ZBTB20: variants seen among roughly 807,000 people sequenced by gnomAD.
The protein encoded by ZBTB20 is zinc finger and BTB domain-containing protein 20.
In ZBTB20, 9 loss-of-function variants were observed where a neutral mutation model predicts 56.9. That is an observed-to-expected ratio of 0.16 (90% CI 0.10 to 0.28). The LOEUF is 0.28. ZBTB20 is among the 10% of genes least tolerant of loss of function. The pLI is 1.00. For missense variants in ZBTB20, 655 were observed against 1,003.0 expected (o/e 0.65, Z 4.69); for synonymous variants, 417 against 420.7 (o/e 0.99, Z 0.11).
At chr3:114,347,076 GGTTTTTT>G (rs1213444257) in intron 11 of ZBTB20, among the ~76,000 whole-genome samples, 13 of 82,424 alleles carry the variant, frequency 1.6e-4, no homozygotes, top group Admixed American at 7.4e-4. Flanking sequence ...ATTCTCTTCA[GGTTTTTT>G]TTTTTTTTTT....
chr3:114,964,378 G>C (rs894877628), intron 3 of ZBTB20, among the ~76,000 whole-genome samples: 5 of 152,168 alleles, frequency 3.3e-5, no homozygotes, highest in Non-Finnish European at 7.3e-5. Context: ...TTGGGCCACT[G>C]CACTCCAGCC....
At chr3:115,115,149 A>G (rs938027597) in intron 1 of ZBTB20, among the ~76,000 whole-genome samples, 19 of 152,126 alleles carry the variant, frequency 1.2e-4, no homozygotes, top group African/African-American at 3.9e-4. Context: ...GACCACATCA[A>G]TGATGTCCTA....
intron 4 of ZBTB20, among the ~76,000 whole-genome samples, chr3:114,886,408 C>G (rs902306413): frequency 2.0e-5 from 3 of 152,172 alleles, no homozygotes. Context: ...GGATTGTGAT[C>G]TCAACATGCA....
intron 7 of ZBTB20, chr3:114,454,532 C>T (rs1409632190): frequency 6.6e-6 from 1 of 151,702 alleles, no homozygotes; most frequent in East Asian, 1.9e-4. Flanking sequence ...AAAGGCTTTT[C>T]CATCTCGGTT....
chr3:114,624,674 T>G (rs1386402852), intron 6 of ZBTB20, among the ~76,000 whole-genome samples: 1 of 152,144 alleles, frequency 6.6e-6, no homozygotes, highest in Non-Finnish European at 1.5e-5. Flanking sequence ...AGATCACTGC[T>G]GTACCATCCA....
intron 5 of ZBTB20, among the ~76,000 whole-genome samples, chr3:114,737,098 C>T (rs1417422521): frequency 6.6e-6 from 1 of 151,988 alleles, no homozygotes; most frequent in Non-Finnish European, 1.5e-5. Flanking sequence ...TTTTAAGAGC[C>T]AAAGTTACAA....
At chr3:115,129,511 C>T (rs918852768) in intron 1 of ZBTB20, among the ~76,000 whole-genome samples, 1 of 152,172 alleles carries the variant, frequency 6.6e-6, no homozygotes, top group Non-Finnish European at 1.5e-5. Context: ...TGGCCAATGG[C>T]AAATTAGGTG....
At chr3:114,550,913 T>C (rs936714351) in intron 6 of ZBTB20, among the ~76,000 whole-genome samples, 3 of 151,790 alleles carry the variant, frequency 2.0e-5, no homozygotes, top group African/African-American at 7.3e-5. Context: ...ACCATGTCCA[T>C]CTAATTTTTG....
At chr3:114,943,850 A>T (rs1418796099) in intron 3 of ZBTB20, among the ~76,000 whole-genome samples, 1 of 143,626 alleles carries the variant, frequency 7.0e-6, no homozygotes, top group Non-Finnish European at 1.5e-5. Flanking sequence ...AAAAGCATCA[A>T]GCCACAAATT....
intron 4 of ZBTB20, among the ~76,000 whole-genome samples, chr3:114,872,270 T>C (rs1272858716): frequency 1.3e-5 from 2 of 152,248 alleles, no homozygotes; most frequent in Admixed American, 6.5e-5. Flanking sequence ...CCACAACCCT[T>C]GTACTCAAGA....
chr3:114,389,766 G>A (rs2085617780), intron 7 of ZBTB20, among the ~76,000 whole-genome samples: 2 of 151,664 alleles, frequency 1.3e-5, no homozygotes, highest in South Asian at 2.1e-4. Flanking sequence ...GCGCACGCCT[G>A]TAGTCCCAGC....
chr3:114,480,902 C>G (rs977276089), intron 7 of ZBTB20, among the ~76,000 whole-genome samples: 2 of 151,218 alleles, frequency 1.3e-5, no homozygotes, highest in African/African-American at 4.9e-5. Context: ...ATGGAAAGAA[C>G]AACAATTAGT....
At chr3:115,016,425 C>G (rs367818833) in intron 2 of ZBTB20, among the ~76,000 whole-genome samples, 3 of 151,928 alleles carry the variant, frequency 2.0e-5, no homozygotes, top group East Asian at 1.9e-4. Flanking sequence ...AGATTTTCTT[C>G]TAGGGTTTTT....
chr3:115,124,430 A>T (rs1176353351), intron 1 of ZBTB20, among the ~76,000 whole-genome samples: 3 of 152,212 alleles, frequency 2.0e-5, no homozygotes, highest in Non-Finnish European at 4.4e-5. Flanking sequence ...AAGACATTTT[A>T]AAAAATACAT....
intron 7 of ZBTB20, among the ~76,000 whole-genome samples, chr3:114,427,744 A>G (rs887053240): frequency 3.5e-4 from 54 of 152,228 alleles, no homozygotes; most frequent in African/African-American, 1.3e-3. Flanking sequence ...TTGGGTGTTA[A>G]TCAAAATGTA....
intron 2 of ZBTB20, among the ~76,000 whole-genome samples, chr3:114,979,621 A>G (rs1440568190): frequency 6.6e-6 from 1 of 152,094 alleles, no homozygotes; most frequent in African/African-American, 2.4e-5. Context: ...TTCATTAAAT[A>G]AAAATTTAAA....
intron 2 of ZBTB20, among the ~76,000 whole-genome samples, chr3:115,022,048 G>A (rs562727305): frequency 6.6e-6 from 1 of 150,620 alleles, no homozygotes; most frequent in African/African-American, 2.4e-5. Flanking sequence ...AAAAAGTTGA[G>A]ACATTTGTTC....
intron 10 of ZBTB20, among the ~76,000 whole-genome samples, chr3:114,368,086 C>G (rs2082612450): frequency 6.6e-6 from 1 of 152,198 alleles, no homozygotes; most frequent in Non-Finnish European, 1.5e-5. Context: ...TCACGGAGCG[C>G]TGGCTGTTTT....
chr3:115,135,906 TAGAA>T (rs2084640605), intron 1 of ZBTB20, among the ~76,000 whole-genome samples: 1 of 152,128 alleles, frequency 6.6e-6, no homozygotes, highest in Non-Finnish European at 1.5e-5. Flanking sequence ...CCTTAAGAAT[TAGAA>T]AGCTCATATA....
Sources: allele counts gnomAD v4.1 joint callset (sites outside exome capture counted in the v4.1 genomes callset), GRCh38; gene constraint gnomAD v4.1.1; transcripts MANE v1.5; gene names NCBI Gene and HGNC (gene_info 2026-07-23, HGNC 2026-07-21).